The following WDR25 variants were observed in gnomAD, a reference collection of about 807,000 sequenced individuals.
WDR25 encodes WD repeat-containing protein 25.
WDR25 carries 35 observed loss-of-function variants against 47.7 expected under a neutral mutation model. That is an observed-to-expected ratio of 0.73 (90% CI 0.56 to 0.97). The LOEUF (loss-of-function observed/expected upper bound fraction) is 0.97. Ranked by LOEUF, WDR25 falls within the 50% of genes least tolerant of loss-of-function variation. The pLI is 0.00. For synonymous variants in WDR25, 248 were observed against 278.9 expected, an observed-to-expected ratio of 0.89 and a Z score of 1.10; for missense variants, 634 against 704.7, an observed-to-expected ratio of 0.90 and a Z score of 1.14.
At chr14:100,472,341 G>A (rs10148879) in intron 3 of WDR25, among the ~76,000 whole-genome samples, 84,060 of 152,204 alleles carry the variant, frequency 0.55, 23,832 homozygotes, top group Admixed American at 0.68. Flanking sequence ...GGCAGCACGC[G>A]TGAGAGGGCA....
chr14:100,514,454 C>T (rs946853975), intron 4 of WDR25, among the ~76,000 whole-genome samples: 2 of 151,986 alleles, frequency 1.3e-5, no homozygotes, highest in African/African-American at 4.8e-5. Flanking sequence ...TCTTCTCCCC[C>T]ATCCATTTTT....
chr14:100,402,616 C>T (rs1275071319), intron 2 of WDR25, among the ~76,000 whole-genome samples: 1 of 152,138 alleles, frequency 6.6e-6, no homozygotes, highest in Non-Finnish European at 1.5e-5. Flanking sequence ...TCTTGGCAAA[C>T]ATAGAGGCTC....
chr14:100,468,000 G>A, intron 2 of WDR25, 21 bp from the exon 3 acceptor site: 2 of 1,611,740 alleles, frequency 1.2e-6, no homozygotes, highest in Middle Eastern at 2.0e-4. Context: ...GACACCTGGT[G>A]CTGTCTGTGT....
chr14:100,478,343 C>G (rs1900088731), intron 3 of WDR25, among the ~76,000 whole-genome samples: 1 of 152,216 alleles, frequency 6.6e-6, no homozygotes, highest in South Asian at 2.1e-4. Flanking sequence ...CCCAAGGCCC[C>G]TCCACTGGAA....
intron 2 of WDR25, among the ~76,000 whole-genome samples, chr14:100,401,143 T>C (rs1897369510): frequency 6.6e-6 from 1 of 152,230 alleles, no homozygotes; most frequent in Admixed American, 6.5e-5. Flanking sequence ...CTCACAATAA[T>C]ATTTCCTCTG....
At chr14:100,454,392 G>A in intron 2 of WDR25, 1 of 1,287,286 alleles carries the variant, frequency 7.8e-7, no homozygotes, top group Non-Finnish European at 1.0e-6. Flanking sequence ...AGGAGGTGGG[G>A]TGAAGTGTTA....
chr14:100,472,085 C>T (rs1259372478), intron 3 of WDR25, among the ~76,000 whole-genome samples: 1 of 152,226 alleles, frequency 6.6e-6, no homozygotes, highest in African/African-American at 2.4e-5. Flanking sequence ...ATGTTTCTTG[C>T]AGACTCCAGG....
intron 3 of WDR25, 145 bp from the exon 4 acceptor site, chr14:100,483,849 T>G: frequency 4.0e-6 from 4 of 993,402 alleles, no homozygotes; most frequent in Non-Finnish European, 5.6e-6. Flanking sequence ...CGCTGTCATA[T>G]TTCCAAAAAG....
chr14:100,433,514 C>T lies in WDR25; in HGVS notation c.823-34507C>T, dbSNP rs138550373. ...AATTAAAAAATATAATATGGAGAGGCACTTTGAGACAACATAAGTATCCTG... is the reference window on the plus strand; with the variant it reads ...AATTAAAAAATATAATATGGAGAGGTACTTTGAGACAACATAAGTATCCTG... On this transcript the variant is annotated intron_variant, in intron 2 of 6. Coordinates refer to ENST00000402312, the MANE Select transcript of WDR25 (RefSeq NM_001161476.3). Among the ~76,000 whole-genome samples, 49 of 152,340 alleles carry T rather than the reference C, an allele frequency of 3.2e-4. 1 individual carries two copies. In the East Asian group the frequency reaches 7.7e-3, roughly 24 times the overall value.
rs936237404 is a variant in WDR25 at position 100,466,911 on chromosome 14, G to A, written c.823-1110G>A. 1.1e-3 allele frequency among the ~76,000 whole-genome samples: 167 copies of A among 152,348 alleles called. 1 individual carries two copies. Among genetic ancestry groups the A allele is most frequent in the Non-Finnish European group, 3.8e-4 (26 of 68,032 alleles). Reference sequence around the variant, plus strand: ...AACTCTCCGGCAGTTCCCCTGGGCTGCACGGTGTGTTTGGCGGCATTTGCT... The same window carrying A: ...AACTCTCCGGCAGTTCCCCTGGGCTACACGGTGTGTTTGGCGGCATTTGCT... On this transcript the variant is annotated intron_variant, in intron 2 of 6. Transcript: ENST00000402312.
chr14:100,475,528 A>C (rs1899988819), intron 3 of WDR25, among the ~76,000 whole-genome samples: 1 of 152,260 alleles, frequency 6.6e-6, no homozygotes, highest in Non-Finnish European at 1.5e-5. Flanking sequence ...AAGCGAAGGC[A>C]CAGAAAGACA....
At chr14:100,413,845 C>G (rs1224547364) in intron 2 of WDR25, among the ~76,000 whole-genome samples, 3 of 152,232 alleles carry the variant, frequency 2.0e-5, no homozygotes, top group African/African-American at 7.2e-5. Context: ...TTTCACTTAA[C>G]AGAATGTTTT....
intron 2 of WDR25, among the ~76,000 whole-genome samples, chr14:100,398,534 CAG>C (rs1259271005): frequency 5.3e-5 from 8 of 151,916 alleles, no homozygotes; most frequent in African/African-American, 1.9e-4. Context: ...AAAAATAATA[CAG>C]AGAGTTCCTA....
chr14:100,486,647 C>T (rs1417403702), intron 4 of WDR25, among the ~76,000 whole-genome samples: 3 of 152,190 alleles, frequency 2.0e-5, no homozygotes, highest in African/African-American at 7.2e-5. Flanking sequence ...TGGGGCTGCT[C>T]ACTTCTTATC....
At chr14:100,480,992 G>A (rs55825288) in intron 3 of WDR25, 1 of 431,408 alleles carries the variant, frequency 2.3e-6, no homozygotes, top group Non-Finnish European at 4.6e-6. Context: ...GGCCACCAAG[G>A]AAGAGCCCAA....
At chr14:100,385,960 C>T (rs1178286818) in intron 2 of WDR25, among the ~76,000 whole-genome samples, 1 of 152,118 alleles carries the variant, frequency 6.6e-6, no homozygotes, top group Non-Finnish European at 1.5e-5. Context: ...GAGGGAGTCC[C>T]AAAGGAATAA....
At chr14:100,445,277 G>A (rs1489829722) in intron 2 of WDR25, among the ~76,000 whole-genome samples, 1 of 152,158 alleles carries the variant, frequency 6.6e-6, no homozygotes, top group Non-Finnish European at 1.5e-5. Context: ...TAAAAATCAT[G>A]CAAATAAGCC....
At position 100,523,378 on chromosome 14, in the gene WDR25, C is replaced by T. The variant is rs1372390743; in HGVS notation, c.1102-2492C>T. Among the ~76,000 whole-genome samples the T allele has an allele frequency of 3.9e-5, 6 of 152,162 alleles. No individual in the cohort carries two copies. Among genetic ancestry groups the T allele is most frequent in the Non-Finnish European group, 8.8e-5 (6 of 68,024 alleles). On this transcript the variant is annotated intron_variant, in intron 4 of 6. Coordinates refer to ENST00000402312, the MANE Select transcript of WDR25 (RefSeq NM_001161476.3). This position sits in a 1 kb window ranked among gnomAD's most constrained non-coding sequence, Gnocchi z 4.7. Reference sequence around the variant, plus strand: ...AGCCCAGAGCAGTGCCTCCCCACCCCCTGTCCTTCAGGTCTGGGTGCAGAG... The same window carrying T: ...AGCCCAGAGCAGTGCCTCCCCACCCTCTGTCCTTCAGGTCTGGGTGCAGAG...
At chr14:100,456,704 C>CA (rs1433705652) in intron 2 of WDR25, among the ~76,000 whole-genome samples, 4 of 152,098 alleles carry the variant, frequency 2.6e-5, no homozygotes, top group Non-Finnish European at 5.9e-5. Context: ...ATACAGGGAA[C>CA]AAAAAGCTTG....
Sources: gnomAD v4.1 joint callset for allele counts (sites outside exome capture counted in the v4.1 genomes callset) on GRCh38, gnomAD v4.1.1 for gene constraint, Gnocchi (gnomAD v3.1) non-coding constraint, MANE v1.5 for transcripts, NCBI Gene and HGNC (gene_info 2026-07-23, HGNC 2026-07-21) for gene names.